The following TBC1D14 variants were observed in gnomAD, a reference collection of about 807,000 sequenced individuals.
The protein encoded by TBC1D14 is TBC1 domain family, member 14.
TBC1D14 carries 26 observed loss-of-function variants against 79.0 expected under a neutral mutation model. The ratio of observed to expected loss-of-function variants is 0.33; its 90% CI spans 0.24 to 0.46. TBC1D14 has a LOEUF of 0.46. Among genes scored for constraint, TBC1D14 ranks in the 20% least tolerant of loss-of-function variants. TBC1D14 has a pLI of 1.00. For missense variants in TBC1D14, 769 were observed against 887.6 expected (o/e 0.87, Z 1.70); for synonymous variants, 394 against 349.9 (o/e 1.13, Z -1.40).
chr4:6,912,116 C>A (rs982835616), intron 1 of TBC1D14, among the ~76,000 whole-genome samples: 1 of 152,038 alleles, frequency 6.6e-6, no homozygotes, highest in Non-Finnish European at 1.5e-5. Context: ...TTCAGCTGGG[C>A]GCAGTGGCTC....
At chr4:7,009,485 G>A (rs761571760) in intron 9 of TBC1D14, among the ~76,000 whole-genome samples, 4 of 152,212 alleles carry the variant, frequency 2.6e-5, no homozygotes, top group Non-Finnish European at 5.9e-5. Flanking sequence ...TAGTCAGGAT[G>A]TGGGGCACAG....
At chr4:6,979,335 T>TA (rs374968547) in intron 3 of TBC1D14, among the ~76,000 whole-genome samples, 37 of 152,254 alleles carry the variant, frequency 2.4e-4, no homozygotes, top group African/African-American at 8.7e-4. Context: ...CAGAATGGGT[T>TA]AAAAAAATGG....
intron 1 of TBC1D14, among the ~76,000 whole-genome samples, chr4:6,914,339 C>G (rs902866345): frequency 2.0e-5 from 3 of 152,176 alleles, no homozygotes; most frequent in Admixed American, 6.5e-5. Flanking sequence ...AAAGTTGCCA[C>G]TCACCCTCTG....
chr4:6,967,630 A>C (rs1715819952), intron 3 of TBC1D14, among the ~76,000 whole-genome samples: 1 of 152,250 alleles, frequency 6.6e-6, no homozygotes, highest in South Asian at 2.1e-4. Flanking sequence ...CACATAGGAA[A>C]GTCCATTTGA....
At chr4:6,984,413 T>C (rs1290038377) in intron 3 of TBC1D14, among the ~76,000 whole-genome samples, 1 of 152,116 alleles carries the variant, frequency 6.6e-6, no homozygotes, top group African/African-American at 2.4e-5. Context: ...CTTGTGTGCA[T>C]AGAAAAAAGC....
intron 12 of TBC1D14, among the ~76,000 whole-genome samples, chr4:7,019,932 G>A (rs1721656657): frequency 8.3e-6 from 1 of 121,122 alleles, no homozygotes; most frequent in African/African-American, 3.1e-5. Context: ...GGTTAGGGAG[G>A]ACCCTGGGGC....
At chr4:6,911,112 G>A (rs1373103815) in intron 1 of TBC1D14, among the ~76,000 whole-genome samples, 1 of 152,142 alleles carries the variant, frequency 6.6e-6, no homozygotes, top group African/African-American at 2.4e-5. Flanking sequence ...CTGTTGCCCA[G>A]TTTATCTGGC....
Position 6,994,409 on chromosome 4 carries a change from G to GT in TBC1D14, c.962+108dup, listed in dbSNP as rs1483876326. On this transcript the variant is annotated intron_variant, in intron 4 of 13. Coordinates refer to ENST00000409757, the MANE Select transcript of TBC1D14 (RefSeq NM_020773.3). Reference sequence around the variant, plus strand: ...ACTAGGGTCAGAAAAGGGGAGAAGAGTAAGCCAGAATCACTTCTTATTCTC... The same window carrying GT: ...ACTAGGGTCAGAAAAGGGGAGAAGAGTTAAGCCAGAATCACTTCTTATTCTC... 3.1e-6 allele frequency: 3 copies of GT among 952,924 alleles called. No homozygotes were observed. In the African/African-American group the frequency reaches 4.9e-5, roughly 15 times the overall value. The allele number at this position is 952,924 out of a possible 1,614,324, so 59.0% of individuals were successfully genotyped here. A position where few individuals can be genotyped will look rare whatever the true frequency, so the allele number is the denominator to read the frequency against.
chr4:6,996,821 A>G (rs762676535), intron 5 of TBC1D14, among the ~76,000 whole-genome samples: 18 of 152,236 alleles, frequency 1.2e-4, no homozygotes, highest in Non-Finnish European at 2.4e-4. Flanking sequence ...AGAGAAAAGC[A>G]CTTTGAACTG....
intron 2 of TBC1D14, among the ~76,000 whole-genome samples, chr4:6,953,343 CG>C (rs1714259992): frequency 7.7e-6 from 1 of 129,544 alleles, no homozygotes. Context: ...ATCAGTTGGC[CG>C]GGCGCGGTGG....
chr4:6,976,455 G>A (rs546950785), intron 3 of TBC1D14, among the ~76,000 whole-genome samples: 30 of 152,316 alleles, frequency 2.0e-4, no homozygotes, highest in African/African-American at 7.0e-4. Context: ...ATACTTATTG[G>A]GGAATAACAA....
intron 3 of TBC1D14, among the ~76,000 whole-genome samples, chr4:6,975,193 C>T (rs1176697823): frequency 6.6e-6 from 1 of 150,644 alleles, no homozygotes; most frequent in Non-Finnish European, 1.5e-5. Flanking sequence ...GGATTACAGG[C>T]ATGAGCCGCC....
At chr4:6,941,639 T>G (rs1333066860) in intron 2 of TBC1D14, among the ~76,000 whole-genome samples, 1 of 118,544 alleles carries the variant, frequency 8.4e-6, no homozygotes, top group African/African-American at 2.6e-5. Flanking sequence ...CTTGCACATC[T>G]GTTCCTGTGA....
intron 2 of TBC1D14, among the ~76,000 whole-genome samples, chr4:6,930,431 G>C (rs905623982): frequency 1.3e-5 from 2 of 152,166 alleles, no homozygotes; most frequent in African/African-American, 2.4e-5. Context: ...TGGAGGCCTT[G>C]AGCCAGAGAG....
intron 2 of TBC1D14, among the ~76,000 whole-genome samples, chr4:6,962,895 G>GCA (rs147704789): frequency 0.016 from 2,354 of 151,360 alleles, 34 homozygotes; most frequent in African/African-American, 0.038. Context: ...TGCCTCCCCT[G>GCA]CACACACACA....
chr4:6,996,535 TAAA>T (rs11374636), intron 5 of TBC1D14, 128 bp downstream of exon 5: 2,494 of 523,916 alleles, frequency 4.8e-3, no homozygotes, highest in Non-Finnish European at 5.2e-3. Context: ...AGTCTTCCAG[TAAA>T]AAAAAAAAAA....
At chr4:7,021,104 G>A (rs1560361232) in intron 12 of TBC1D14, among the ~76,000 whole-genome samples, 1 of 152,146 alleles carries the variant, frequency 6.6e-6, no homozygotes. Context: ...TTACCCCATG[G>A]TGCTTCCTTG....
At chr4:6,990,316 G>A in intron 3 of TBC1D14, among the ~76,000 whole-genome samples, 1 of 152,198 alleles carries the variant, frequency 6.6e-6, no homozygotes, top group East Asian at 1.9e-4. Flanking sequence ...GGGCCTGGTG[G>A]CACGCGCTTG....
intron 3 of TBC1D14, among the ~76,000 whole-genome samples, chr4:6,968,296 A>G (rs1715884848): frequency 6.6e-6 from 1 of 152,150 alleles, no homozygotes; most frequent in East Asian, 1.9e-4. Flanking sequence ...ATTCCAGGGC[A>G]GGCGCAGGAG....
Sources: gnomAD v4.1 joint callset for allele counts (sites outside exome capture counted in the v4.1 genomes callset) on GRCh38, gnomAD v4.1.1 for gene constraint, MANE v1.5 for transcripts, NCBI Gene and HGNC (gene_info 2026-07-23, HGNC 2026-07-21) for gene names.